Variants in PTPRD observed in about 807,000 individuals in gnomAD.
PTPRD encodes the protein protein tyrosine phosphatase receptor type D.
Under a neutral mutation model 214.5 loss-of-function variants are expected in PTPRD, and 34 were observed. The observed-to-expected ratio is 0.16, with a 90% CI of 0.12 to 0.21. The LOEUF is 0.21. PTPRD is among the 10% of genes least tolerant of loss of function. PTPRD has a pLI of 1.00. For synonymous variants in PTPRD, 1,128 were observed against 845.7 expected, an observed-to-expected ratio of 1.33 and a Z score of -5.79; for missense variants, 2,545 against 2,398.7, an observed-to-expected ratio of 1.06 and a Z score of -1.27.
At chr9:9,149,599 C>G (rs1252227003) in intron 10 of PTPRD, among the ~76,000 whole-genome samples, 1 of 152,152 alleles carries the variant, frequency 6.6e-6, no homozygotes, top group East Asian at 1.9e-4. Context: ...TGAAATCACC[C>G]AGATAAAAAA....
chr9:9,594,750 C>T (rs544327245), intron 7 of PTPRD, among the ~76,000 whole-genome samples: 4 of 151,848 alleles, frequency 2.6e-5, no homozygotes, highest in Admixed American at 6.6e-5. Context: ...TTGGCTATGT[C>T]GGCTTTTTGC....
intron 9 of PTPRD, among the ~76,000 whole-genome samples, chr9:9,359,069 A>G (rs1461549481): frequency 6.6e-6 from 1 of 151,362 alleles, no homozygotes; most frequent in African/African-American, 2.4e-5. Flanking sequence ...ATAGACAGCC[A>G]TTATCTCAAA....
chr9:9,311,911 G>T (rs1959129155), intron 9 of PTPRD, among the ~76,000 whole-genome samples: 1 of 152,038 alleles, frequency 6.6e-6, no homozygotes, highest in African/African-American at 2.4e-5. Flanking sequence ...TCCTAATCTT[G>T]CACATTAACT....
intron 2 of PTPRD, among the ~76,000 whole-genome samples, chr9:10,480,555 A>G (rs932532493): frequency 6.6e-6 from 1 of 152,156 alleles, no homozygotes; most frequent in Non-Finnish European, 1.5e-5. Context: ...GAAATAAGGA[A>G]GAAAGAAAGC....
intron 9 of PTPRD, among the ~76,000 whole-genome samples, chr9:9,330,444 A>C (rs1313923024): frequency 6.6e-6 from 1 of 152,164 alleles, no homozygotes; most frequent in Non-Finnish European, 1.5e-5. Context: ...TATTCTATAC[A>C]TATAATTGAA....
At chr9:8,332,142 T>G (rs1052978143) in intron 43 of PTPRD, among the ~76,000 whole-genome samples, 1 of 152,090 alleles carries the variant, frequency 6.6e-6, no homozygotes, top group Non-Finnish European at 1.5e-5. Flanking sequence ...TTCAAAAATT[T>G]CAGAAACTAA....
At chr9:9,503,360 C>G (rs906727667) in intron 8 of PTPRD, among the ~76,000 whole-genome samples, 2 of 151,270 alleles carry the variant, frequency 1.3e-5, no homozygotes, top group Admixed American at 6.6e-5. Flanking sequence ...GTGGGTTATG[C>G]TCTGATAACA....
intron 9 of PTPRD, among the ~76,000 whole-genome samples, chr9:9,364,291 G>T (rs11789602): frequency 1.3e-5 from 2 of 151,288 alleles, no homozygotes; most frequent in Non-Finnish European, 3.0e-5. Flanking sequence ...CTATACCCTG[G>T]ATTACAGTAG....
At chr9:9,655,125 A>G (rs1228089223) in intron 7 of PTPRD, among the ~76,000 whole-genome samples, 1 of 152,174 alleles carries the variant, frequency 6.6e-6, no homozygotes, top group African/African-American at 2.4e-5. Context: ...GTATCATAAC[A>G]CACACCTTGT....
chr9:9,134,694 C>A (rs923504087), intron 10 of PTPRD, among the ~76,000 whole-genome samples: 37 of 152,110 alleles, frequency 2.4e-4, no homozygotes, highest in African/African-American at 8.5e-4. Context: ...GCTATTTTGT[C>A]TTCATAGCAC....
At chr9:10,307,006 T>G (rs960919326) in intron 3 of PTPRD, among the ~76,000 whole-genome samples, 1 of 152,166 alleles carries the variant, frequency 6.6e-6, no homozygotes, top group African/African-American at 2.4e-5. Flanking sequence ...ATAGAATATG[T>G]AATAATCAAG....
chr9:9,763,092 G>C (rs2098674466), intron 6 of PTPRD, among the ~76,000 whole-genome samples: 1 of 152,078 alleles, frequency 6.6e-6, no homozygotes, highest in Non-Finnish European at 1.5e-5. Flanking sequence ...TATCAAATTA[G>C]GATCCCACCT....
intron 3 of PTPRD, among the ~76,000 whole-genome samples, chr9:10,067,548 G>A (rs1259059439): frequency 2.0e-5 from 3 of 151,838 alleles, no homozygotes; most frequent in Non-Finnish European, 2.9e-5. Context: ...TGACTGCTTT[G>A]CACTTACATA....
intron 12 of PTPRD, among the ~76,000 whole-genome samples, chr9:8,670,222 G>A (rs1356178618): frequency 6.6e-6 from 1 of 151,960 alleles, no homozygotes; most frequent in Non-Finnish European, 1.5e-5. Flanking sequence ...TTAACTTTAG[G>A]CATTATGTGG....
At chr9:8,360,401 A>G (rs2078180669) in intron 39 of PTPRD, among the ~76,000 whole-genome samples, 2 of 152,230 alleles carry the variant, frequency 1.3e-5, no homozygotes, top group Admixed American at 6.5e-5. Flanking sequence ...AAACTGGTGA[A>G]TCTAATATAC....
intron 2 of PTPRD, among the ~76,000 whole-genome samples, chr9:10,373,724 G>C (rs1598390985): frequency 6.6e-6 from 1 of 151,840 alleles, no homozygotes; most frequent in Non-Finnish European, 1.5e-5. Context: ...CCTTTCTTGA[G>C]ACATACCACC....
chr9:9,094,659 CA>C (rs1333902022), intron 10 of PTPRD, among the ~76,000 whole-genome samples: 1 of 151,816 alleles, frequency 6.6e-6, no homozygotes, highest in Admixed American at 6.6e-5. Context: ...ACCTGTACAC[CA>C]AAAACTATTG....
intron 9 of PTPRD, among the ~76,000 whole-genome samples, chr9:9,213,895 T>C (rs963803938): frequency 6.6e-6 from 1 of 152,190 alleles, no homozygotes. Flanking sequence ...TGTTCAGCTT[T>C]GTTTTTTGTG....
chr9:9,264,121 T>A (rs1937777742), intron 9 of PTPRD, among the ~76,000 whole-genome samples: 1 of 151,622 alleles, frequency 6.6e-6, no homozygotes, highest in African/African-American at 2.4e-5. Context: ...TTCAAGGATT[T>A]AATGCAAAAA....
Sources: gnomAD v4.1 joint callset for allele counts (sites outside exome capture counted in the v4.1 genomes callset) on GRCh38, gnomAD v4.1.1 for gene constraint, MANE v1.5 for transcripts, NCBI Gene and HGNC (gene_info 2026-07-23, HGNC 2026-07-21) for gene names.